Variants in SPMAP2 observed in about 807,000 individuals in gnomAD.
SPMAP2 encodes the protein Theg homolog.
chr19:372,000 T>C, the SPMAP2 span, among the ~76,000 whole-genome samples: 1 of 152,192 alleles, frequency 6.6e-6, no homozygotes, highest in African/African-American at 2.4e-5. Context: ...AGGAGTTAAG[T>C]TTAATTACAG....
At chr19:373,608 C>G in the SPMAP2 span, 1 of 1,485,360 alleles carries the variant, frequency 6.7e-7, no homozygotes, top group Admixed American at 1.8e-5. Flanking sequence ...GGGTCTCTGC[C>G]AGGAGGGTGG....
At chr19:362,306 C>T in the SPMAP2 span, 52 of 1,609,296 alleles carry the variant, frequency 3.2e-5, no homozygotes, top group Middle Eastern at 3.3e-4. Context: ...GAGGCCCTTG[C>T]GCACTTTGGG....
the SPMAP2 span, among the ~76,000 whole-genome samples, chr19:366,188 C>T: frequency 1.3e-5 from 2 of 152,100 alleles, no homozygotes; most frequent in Admixed American, 1.3e-4. Flanking sequence ...AGCCTCAACC[C>T]TCCGTCATTC....
the SPMAP2 span, chr19:375,600 C>T: frequency 2.1e-6 from 3 of 1,449,076 alleles, no homozygotes; most frequent in South Asian, 1.5e-5. Context: ...CTGCCCTCCC[C>T]CCACTGCCAG....
chr19:371,208 A>C, the SPMAP2 span: 2 of 1,448,866 alleles, frequency 1.4e-6, no homozygotes, highest in Non-Finnish European at 1.8e-6. Context: ...CACCCACCTC[A>C]GACATGGGCA....
At chr19:362,092 C>G in the SPMAP2 span, 2 of 723,678 alleles carry the variant, frequency 2.8e-6, no homozygotes, top group Middle Eastern at 5.3e-4. Context: ...TCCTCCTCAT[C>G]CTTCTTTTGG....
chr19:373,359 C>T, the SPMAP2 span: 1 of 998,254 alleles, frequency 1.0e-6, no homozygotes, highest in Non-Finnish European at 1.5e-6. Context: ...AGGACAGAGG[C>T]TCCGAGGAGA....
At chr19:363,721 G>A in the SPMAP2 span, among the ~76,000 whole-genome samples, 1 of 150,188 alleles carries the variant, frequency 6.7e-6, no homozygotes, top group Admixed American at 6.6e-5. Flanking sequence ...TTTTAGTAGA[G>A]ACAGGGTTTC....
the SPMAP2 span, chr19:373,857 G>T: frequency 7.9e-7 from 1 of 1,267,510 alleles, no homozygotes; most frequent in Non-Finnish European, 1.1e-6. Context: ...GGAGAGAGGA[G>T]GGTGGCTGGA....
the SPMAP2 span, among the ~76,000 whole-genome samples, chr19:364,107 G>C: frequency 6.6e-6 from 1 of 151,286 alleles, no homozygotes; most frequent in Non-Finnish European, 1.5e-5. Context: ...GCCGAGGCGG[G>C]CGGATCACAA....
At chr19:368,119 G>T in the SPMAP2 span, among the ~76,000 whole-genome samples, 10 of 152,082 alleles carry the variant, frequency 6.6e-5, no homozygotes, top group African/African-American at 2.4e-4. This position sits in a 1 kb window ranked among gnomAD's most constrained non-coding sequence, Gnocchi z 4.1. Flanking sequence ...GGGGGTCGAG[G>T]TGGCAGGATC....
the SPMAP2 span, among the ~76,000 whole-genome samples, chr19:370,924 G>A: frequency 2.7e-4 from 41 of 152,202 alleles, no homozygotes; most frequent in African/African-American, 9.2e-4. Flanking sequence ...GAGCTGGGGC[G>A]AGAGATGAGC....
At chr19:365,154 C>CCACACA in the SPMAP2 span, among the ~76,000 whole-genome samples, 1 of 152,212 alleles carries the variant, frequency 6.6e-6, no homozygotes, top group Non-Finnish European at 1.5e-5. Flanking sequence ...CCCGCGCTCA[C>CCACACA]CACACACACA....
At chr19:371,529 G>A in the SPMAP2 span, among the ~76,000 whole-genome samples, 10 of 152,238 alleles carry the variant, frequency 6.6e-5, no homozygotes, top group African/African-American at 2.2e-4. Context: ...CTCCAAACAG[G>A]GATTCGTAAA....
chr19:374,158 A>G, the SPMAP2 span: 2 of 1,485,770 alleles, frequency 1.3e-6, no homozygotes, highest in Non-Finnish European at 1.8e-6. Context: ...TAACTGGCCA[A>G]CCCCACCTAC....
the SPMAP2 span, chr19:372,747 C>G: frequency 6.3e-7 from 1 of 1,586,390 alleles, no homozygotes; most frequent in South Asian, 1.1e-5. Flanking sequence ...TGTCAACACC[C>G]TGCAGTTCCC....
the SPMAP2 span, chr19:375,970 T>A: frequency 7.1e-7 from 1 of 1,411,612 alleles, no homozygotes; most frequent in Non-Finnish European, 9.2e-7. Context: ...CTGTCCCCCA[T>A]ACACCGGTCC....
the SPMAP2 span, among the ~76,000 whole-genome samples, chr19:371,816 T>C: frequency 1.3e-5 from 2 of 152,228 alleles, no homozygotes. Flanking sequence ...CAGCTATGCC[T>C]CTGCTCGGAA....
At chr19:374,436 C>T in the SPMAP2 span, 4 of 1,613,952 alleles carry the variant, frequency 2.5e-6, no homozygotes, top group Non-Finnish European at 3.4e-6. Context: ...GGGAGAATTC[C>T]ACGTTGAAGT....
Sources: allele counts gnomAD v4.1 joint callset (sites outside exome capture counted in the v4.1 genomes callset), GRCh38; gene constraint gnomAD v4.1.1; non-coding constraint Gnocchi (gnomAD v3.1); transcripts MANE v1.5; gene names NCBI Gene and HGNC (gene_info 2026-07-23, HGNC 2026-07-21).